SNX6: variants seen among roughly 807,000 people sequenced by gnomAD.
SNX6 encodes the protein sorting nexin-6.
Under a neutral mutation model 63.0 loss-of-function variants are expected in SNX6, and 34 were observed. The ratio of observed to expected loss-of-function variants is 0.54; its 90% CI spans 0.41 to 0.72. The LOEUF (loss-of-function observed/expected upper bound fraction) is 0.72. SNX6 is among the 30% of genes least tolerant of loss of function. SNX6 has a pLI of 0.00. For synonymous variants in SNX6, 170 were observed against 164.2 expected, an observed-to-expected ratio of 1.04 and a Z score of -0.27; for missense variants, 398 against 471.4, an observed-to-expected ratio of 0.84 and a Z score of 1.44.
chr14:34,591,180 C>A (rs548929086), intron 8 of SNX6, among the ~76,000 whole-genome samples: 1 of 151,684 alleles, frequency 6.6e-6, no homozygotes, highest in African/African-American at 2.4e-5. Context: ...CCAAATTGTA[C>A]ACTTTGATTA....
chr14:34,601,055 T>C (rs1412951510), intron 6 of SNX6, among the ~76,000 whole-genome samples: 1 of 150,052 alleles, frequency 6.7e-6, no homozygotes, highest in Non-Finnish European at 1.5e-5. Flanking sequence ...AAGGAAAAAA[T>C]AAGGAGTGAT....
At chr14:34,590,050 G>A (rs1882329119) in intron 8 of SNX6, among the ~76,000 whole-genome samples, 1 of 152,058 alleles carries the variant, frequency 6.6e-6, no homozygotes, top group Admixed American at 6.6e-5. Context: ...AGGATGCAGT[G>A]AGCCATGTTT....
intron 5 of SNX6, among the ~76,000 whole-genome samples, chr14:34,603,956 C>A (rs1478100219): frequency 2.0e-5 from 3 of 151,242 alleles, no homozygotes; most frequent in Non-Finnish European, 2.9e-5. Context: ...TATGAAGAAA[C>A]TAATTTTTTT....
intron 2 of SNX6, chr14:34,629,456 A>G (rs956875857): frequency 4.3e-6 from 2 of 464,910 alleles, no homozygotes; most frequent in South Asian, 3.1e-5. Context: ...TGTAGACTAC[A>G]CCTGTACTAT....
At chr14:34,596,638 G>A (rs1342047903) in intron 7 of SNX6, among the ~76,000 whole-genome samples, 1 of 149,870 alleles carries the variant, frequency 6.7e-6, no homozygotes, top group African/African-American at 2.4e-5. Context: ...AAAAAAGAGA[G>A]AGAGAGAAAA....
chr14:34,573,289 T>C (rs932786764), intron 11 of SNX6, among the ~76,000 whole-genome samples: 7 of 152,134 alleles, frequency 4.6e-5, no homozygotes, highest in African/African-American at 1.4e-4. Context: ...AAAAAACTTT[T>C]TGAGGCCAGG....
chr14:34,605,564 A>G, intron 5 of SNX6, 32 bp downstream of exon 5: 1 of 1,508,778 alleles, frequency 6.6e-7, no homozygotes. Context: ...ACAACCAAAA[A>G]AAAAAAACAA....
Position 34,599,568 on chromosome 14 carries a change from T to C in SNX6, c.517-1923A>G, listed in dbSNP as rs191381367. On this transcript the variant is annotated intron_variant, in intron 6 of 13. Transcript: ENST00000362031. ...GTTGCCATGAGCCAATATCACGCCATTGCATTCCAGCCTGGACAACAAGAG... is the reference window on the plus strand; with the variant it reads ...GTTGCCATGAGCCAATATCACGCCACTGCATTCCAGCCTGGACAACAAGAG... Among the ~76,000 whole-genome samples the C allele has an allele frequency of 6.0e-5, 9 of 151,052 alleles. No homozygotes were observed. In the East Asian group the frequency reaches 1.2e-3, roughly 20 times the overall value.
intron 2 of SNX6, among the ~76,000 whole-genome samples, chr14:34,619,066 A>G (rs1883528346): frequency 6.6e-6 from 1 of 152,200 alleles, no homozygotes; most frequent in Admixed American, 6.6e-5. Context: ...GGTAACCACA[A>G]CTGGGCTACA....
chr14:34,593,148 A>C lies in SNX6; in HGVS notation c.615T>G (p.Asp205Glu), dbSNP rs372863804. 1 of 1,560,466 alleles carries C rather than the reference A, an allele frequency of 6.4e-7. No homozygotes were observed. Among genetic ancestry groups the C allele is most frequent in the African/African-American group, 1.4e-5 (1 of 72,716 alleles). Residue 205 changes from aspartate (D) to glutamate (E), a missense_variant and splice_region_variant, in exon 8 of 14, where the codon GAT becomes GAG. Transcript: ENST00000362031. ...GTTCGTGCTCAAAGAAATCATCTAC[A>C]TCCTATAAGATCAAAAGAAAATATA... ...ADGVIVSGVK[D>E]VDDFFEHERT... is the part of the protein sequence containing the mutation.
At chr14:34,582,078 C>T (rs1463736118) in intron 9 of SNX6, among the ~76,000 whole-genome samples, 3 of 151,416 alleles carry the variant, frequency 2.0e-5, no homozygotes, top group South Asian at 2.1e-4. Context: ...CCGCCCGCCT[C>T]GGCCTCCCAA....
At chr14:34,564,571 C>CA (rs1378656670) in intron 13 of SNX6, among the ~76,000 whole-genome samples, 1 of 151,946 alleles carries the variant, frequency 6.6e-6, no homozygotes, top group East Asian at 1.9e-4. Flanking sequence ...TTCACGCCTG[C>CA]AATCCCAGCA....
chr14:34,580,358 A>C (rs1475812968), intron 10 of SNX6, among the ~76,000 whole-genome samples: 2 of 152,110 alleles, frequency 1.3e-5, no homozygotes, highest in South Asian at 4.1e-4. Flanking sequence ...GCTGGAGTAC[A>C]CTGGCACAAT....
chr14:34,607,973 AACGAAGT>A (rs1344756433), intron 4 of SNX6, 50 bp downstream of exon 4: 1 of 870,392 alleles, frequency 1.1e-6, no homozygotes, highest in South Asian at 1.7e-5. Flanking sequence ...TCCAAAACAT[AACGAAGT>A]ACCTAAAACC....
intron 8 of SNX6, among the ~76,000 whole-genome samples, chr14:34,589,311 C>G (rs1882299181): frequency 6.6e-6 from 1 of 151,568 alleles, no homozygotes; most frequent in Non-Finnish European, 1.5e-5. Context: ...AAAAATTAGC[C>G]AGGCTTGGTG....
intron 2 of SNX6, among the ~76,000 whole-genome samples, chr14:34,620,545 A>T (rs1883583540): frequency 6.6e-6 from 1 of 152,164 alleles, no homozygotes; most frequent in Non-Finnish European, 1.5e-5. Flanking sequence ...GATATTTTTC[A>T]GTCTTCTTGG....
At chr14:34,619,465 G>T (rs1020551140) in intron 2 of SNX6, among the ~76,000 whole-genome samples, 32 of 151,790 alleles carry the variant, frequency 2.1e-4, no homozygotes, top group African/African-American at 4.8e-4. Flanking sequence ...GAGAGAGAGA[G>T]AGATAGAATA....
At chr14:34,612,994 A>G (rs1422729678) in intron 2 of SNX6, among the ~76,000 whole-genome samples, 3 of 148,802 alleles carry the variant, frequency 2.0e-5, no homozygotes, top group Admixed American at 6.9e-5. Context: ...GCTGGCAGTG[A>G]GCCGAGATCA....
At chr14:34,591,949 T>C (rs1417820781) in intron 8 of SNX6, among the ~76,000 whole-genome samples, 1 of 152,214 alleles carries the variant, frequency 6.6e-6, no homozygotes, top group East Asian at 1.9e-4. Context: ...AGAACCATCA[T>C]ACTTGAGTAT....
Sources: allele counts gnomAD v4.1 joint callset (sites outside exome capture counted in the v4.1 genomes callset), GRCh38; gene constraint gnomAD v4.1.1; transcripts MANE v1.5; gene names NCBI Gene and HGNC (gene_info 2026-07-23, HGNC 2026-07-21).